Variants in TUSC3 observed in about 807,000 individuals in gnomAD.
The protein encoded by TUSC3 is dolichyl-diphosphooligosaccharide--protein glycosyltransferase subunit TUSC3.
In TUSC3, 45 loss-of-function variants were observed where a neutral mutation model predicts 44.8. The observed-to-expected ratio is 1.00, with a 90% CI of 0.79 to 1.29. The LOEUF (loss-of-function observed/expected upper bound fraction) is 1.29, where lower values mean the gene tolerates loss of function less well. Ranked by LOEUF, TUSC3 falls within the 50% of genes most tolerant of loss-of-function variation. The pLI is 0.00. For synonymous variants in TUSC3, 212 were observed against 152.9 expected, an observed-to-expected ratio of 1.39 and a Z score of -2.85; for missense variants, 519 against 437.9, an observed-to-expected ratio of 1.19 and a Z score of -1.65.
intron 1 of TUSC3, among the ~76,000 whole-genome samples, chr8:15,584,032 A>T (rs1803491650): frequency 6.6e-6 from 1 of 152,198 alleles, no homozygotes; most frequent in Non-Finnish European, 1.5e-5. Context: ...TATGTTGTTT[A>T]AACAGGTACT....
the TUSC3 span, among the ~76,000 whole-genome samples, chr8:15,841,454 T>G: frequency 2.6e-5 from 4 of 152,326 alleles, no homozygotes; most frequent in Non-Finnish European, 4.4e-5. Context: ...TTTTATTACT[T>G]TCTTAGAAAT....
chr8:15,477,404 C>T (rs140523823), intron 1 of TUSC3, among the ~76,000 whole-genome samples: 17 of 152,228 alleles, frequency 1.1e-4, no homozygotes, highest in Non-Finnish European at 1.8e-4. Flanking sequence ...AGGATAATTG[C>T]CTCACTTTTC....
At chr8:15,436,209 C>G (rs1393853425) in intron 1 of TUSC3, among the ~76,000 whole-genome samples, 1 of 152,148 alleles carries the variant, frequency 6.6e-6, no homozygotes, top group African/African-American at 2.4e-5. Flanking sequence ...AGCCACGTTG[C>G]CTAAGAATGT....
rs3070913 is a variant in TUSC3 at position 15,650,984 on chromosome 8, TACAC to T, written c.426+206_426+209del. 0.073 allele frequency: 36,383 copies of T among 499,130 alleles called. 1,436 individuals are homozygous for T. Among genetic ancestry groups the T allele is most frequent in the African/African-American group, 0.2 (10,091 of 50,364 alleles). 30.9% of individuals were successfully genotyped at this position (499,130 alleles called of 1,614,324 possible). On this transcript the variant is annotated intron_variant, in intron 3 of 10. Transcript: ENST00000503731. ...CAGGTGGAGGACAGAGCAAGACTTT[TACAC>T]ACACACACACACACACACACACACA... is the stretch of plus-strand genomic sequence containing the variant.
At chr8:15,595,724 A>G (rs1337224637) in intron 1 of TUSC3, among the ~76,000 whole-genome samples, 1 of 152,198 alleles carries the variant, frequency 6.6e-6, no homozygotes, top group Non-Finnish European at 1.5e-5. Flanking sequence ...AGCCTAGTGT[A>G]ATACAATGTA....
intron 1 of TUSC3, among the ~76,000 whole-genome samples, chr8:15,436,421 G>C (rs1486153769): frequency 1.3e-5 from 2 of 152,182 alleles, no homozygotes; most frequent in Non-Finnish European, 2.9e-5. Context: ...GACCAACAGT[G>C]AGGATCTACC....
chr8:15,690,343 T>A (rs1375867917), intron 6 of TUSC3, among the ~76,000 whole-genome samples: 11 of 146,842 alleles, frequency 7.5e-5, no homozygotes, highest in Admixed American at 5.4e-4. Context: ...CTTTGCCCAC[T>A]TTTAAAGGGA....
At chr8:15,443,719 G>A (rs1158307140) in intron 1 of TUSC3, among the ~76,000 whole-genome samples, 1 of 152,158 alleles carries the variant, frequency 6.6e-6, no homozygotes, top group African/African-American at 2.4e-5. Context: ...CTAGCCACAA[G>A]ATGAGAAATT....
At chr8:15,507,385 C>T (rs1353674127) in intron 2 of TUSC3, among the ~76,000 whole-genome samples, 3 of 152,078 alleles carry the variant, frequency 2.0e-5, no homozygotes, top group African/African-American at 7.2e-5. Flanking sequence ...TAGTTCATGC[C>T]TTATCAAAAT....
chr8:15,756,163 G>C (rs1240955970), intron 9 of TUSC3, among the ~76,000 whole-genome samples: 2 of 152,166 alleles, frequency 1.3e-5, no homozygotes, highest in Admixed American at 6.6e-5. Context: ...CTCTAGCTCT[G>C]CATTTAGACA....
At position 15,491,109 on chromosome 8, in the gene TUSC3, C is replaced by G. The variant is rs553905424; in HGVS notation, n.189+7626C>G. Among the ~76,000 whole-genome samples the G allele has an allele frequency of 2.0e-5, 3 of 152,270 alleles. No homozygotes were observed. The South Asian group carries it at 6.2e-4, about 32-fold the overall frequency. ...GTCACAGATGCATTTGTCTCGTGCT[C>G]AGTGAATCTGCATTTTTATATAAGA... On this transcript the variant is annotated intron_variant and non_coding_transcript_variant, in intron 2 of 5. Coordinates refer to the TUSC3 transcript ENST00000503191.
chr8:15,707,224 G>T (rs535151211), intron 6 of TUSC3, among the ~76,000 whole-genome samples: 1 of 152,040 alleles, frequency 6.6e-6, no homozygotes, highest in Admixed American at 6.6e-5. Context: ...AGCTAAAAAT[G>T]CTTATGCCAA....
intron 2 of TUSC3, among the ~76,000 whole-genome samples, chr8:15,504,621 A>ATATATATT (rs1345504233): frequency 9.9e-5 from 2 of 20,296 alleles, no homozygotes; most frequent in South Asian, 3.0e-3. Flanking sequence ...ATATATATAT[A>ATATATATT]TTTTTTTTTT....
intron 10 of TUSC3, among the ~76,000 whole-genome samples, chr8:15,762,402 AAACAGTAGCAT>A (rs1197901498): frequency 1.3e-5 from 2 of 152,106 alleles, no homozygotes; most frequent in African/African-American, 4.8e-5. Context: ...TAAATGAAAA[AAACAGTAGCAT>A]AACTAAAGAT....
intron 8 of TUSC3, among the ~76,000 whole-genome samples, chr8:15,746,582 C>A (rs1191244162): frequency 6.6e-6 from 1 of 151,932 alleles, no homozygotes; most frequent in South Asian, 2.1e-4. Context: ...TATACAAGTA[C>A]TTGAGTAGCA....
chr8:15,595,298 CAGGCT>C lies in TUSC3; in HGVS notation c.139-27781_139-27777del, dbSNP rs557226657. On this transcript the variant is annotated intron_variant, in intron 1 of 10. Coordinates refer to ENST00000503731, the MANE Select transcript of TUSC3 (RefSeq NM_006765.4). ...TATTCAAGGGGAATCTCTAGATTTC[CAGGCT>C]TCTCTTTGTGTAAATCTTTCCTCTT... Among the ~76,000 whole-genome samples, 7 of 152,198 alleles carry C rather than the reference CAGGCT, an allele frequency of 4.6e-5. No individual in the cohort carries two copies. In the East Asian group the frequency reaches 1.4e-3, roughly 29 times the overall value.
chr8:15,775,778 CTT>C, the TUSC3 span, among the ~76,000 whole-genome samples: 1 of 124,312 alleles, frequency 8.0e-6, no homozygotes, highest in Non-Finnish European at 1.7e-5. Flanking sequence ...ATATATATAT[CTT>C]CCGTAATAAA....
intron 7 of TUSC3, among the ~76,000 whole-genome samples, chr8:15,738,556 T>C (rs1241434488): frequency 6.6e-6 from 1 of 152,142 alleles, no homozygotes; most frequent in Non-Finnish European, 1.5e-5. Context: ...AGACTCCATA[T>C]GACTTGCATA....
intron 8 of TUSC3, among the ~76,000 whole-genome samples, chr8:15,744,479 G>C (rs373981768): frequency 8.5e-5 from 13 of 152,080 alleles, no homozygotes; most frequent in African/African-American, 3.1e-4. Flanking sequence ...CAAAATTTAT[G>C]TATGAGCAGT....
Sources: gnomAD v4.1 joint callset for allele counts (sites outside exome capture counted in the v4.1 genomes callset) on GRCh38, gnomAD v4.1.1 for gene constraint, MANE v1.5 for transcripts, NCBI Gene and HGNC (gene_info 2026-07-23, HGNC 2026-07-21) for gene names.